The following TAFA5 variants were observed in gnomAD, a reference collection of about 807,000 sequenced individuals.
TAFA5 encodes TAFA chemokine like family member 5.
TAFA5 carries 6 observed loss-of-function variants against 15.3 expected under a neutral mutation model. That is an observed-to-expected ratio of 0.39 (90% confidence interval 0.21 to 0.77). The LOEUF is 0.77. Among genes scored for constraint, TAFA5 ranks in the 30% least tolerant of loss-of-function variants. The pLI, the probability that TAFA5 is intolerant of heterozygous loss-of-function variation, is 0.41. For missense variants in TAFA5, 161 were observed against 193.1 expected (o/e 0.83, Z 0.98); for synonymous variants, 103 against 80.7 (o/e 1.28, Z -1.48).
chr22:48,725,059 T>A (rs1170098179), intron 3 of TAFA5, among the ~76,000 whole-genome samples: 1 of 152,260 alleles, frequency 6.6e-6, no homozygotes, highest in Non-Finnish European at 1.5e-5. Context: ...GACAGAAGTC[T>A]GACCTCCCAA....
chr22:48,621,040 C>A, intron 1 of TAFA5, among the ~76,000 whole-genome samples: 1 of 114,398 alleles, frequency 8.7e-6, no homozygotes, highest in East Asian at 2.6e-4. Flanking sequence ...ATCCACCCTC[C>A]CACCCATCCA....
intron 1 of TAFA5, among the ~76,000 whole-genome samples, chr22:48,502,513 C>G (rs1920958238): frequency 7.0e-6 from 1 of 143,558 alleles, no homozygotes; most frequent in Admixed American, 6.8e-5. Context: ...AGTGGCCTCT[C>G]TTTGGAATTT....
intron 1 of TAFA5, among the ~76,000 whole-genome samples, chr22:48,603,990 C>T (rs1052995788): frequency 1.1e-4 from 17 of 152,180 alleles, no homozygotes; most frequent in African/African-American, 3.9e-4. Context: ...TTGTGGGCCC[C>T]GATGACACCC....
intron 1 of TAFA5, among the ~76,000 whole-genome samples, chr22:48,559,195 C>T (rs902233842): frequency 6.6e-6 from 1 of 152,210 alleles, no homozygotes; most frequent in African/African-American, 2.4e-5. Context: ...TTTGTGGTGG[C>T]AGCTGGAGCT....
chr22:48,643,621 T>G (rs1052320541), intron 1 of TAFA5, among the ~76,000 whole-genome samples: 1 of 152,186 alleles, frequency 6.6e-6, no homozygotes, highest in Non-Finnish European at 1.5e-5. Context: ...CTGAGGGGTG[T>G]GCTGTGTGGT....
intron 3 of TAFA5, among the ~76,000 whole-genome samples, chr22:48,741,254 G>A (rs1261179208): frequency 6.6e-6 from 1 of 151,960 alleles, no homozygotes; most frequent in Non-Finnish European, 1.5e-5. Flanking sequence ...CTCACCGCTG[G>A]GTCCCACCCT....
intron 2 of TAFA5, among the ~76,000 whole-genome samples, chr22:48,703,313 C>A (rs13056122): frequency 0.45 from 68,562 of 151,966 alleles, 15,980 homozygotes; most frequent in East Asian, 0.56. Context: ...CAGCCTAAGT[C>A]CCCCCGGACC....
chr22:48,622,370 A>G (rs916541471), intron 1 of TAFA5, among the ~76,000 whole-genome samples: 3 of 152,170 alleles, frequency 2.0e-5, no homozygotes, highest in African/African-American at 7.2e-5. Context: ...GCAGAAAAGC[A>G]TCTGCCCCAG....
intron 1 of TAFA5, among the ~76,000 whole-genome samples, chr22:48,631,188 G>GGGCCCTT: frequency 6.6e-6 from 1 of 152,196 alleles, no homozygotes; most frequent in Non-Finnish European, 1.5e-5. Flanking sequence ...GAGAGGCAGG[G>GGGCCCTT]GGCCCTTGGT....
At chr22:48,637,510 T>C (rs1264634851) in intron 1 of TAFA5, among the ~76,000 whole-genome samples, 1 of 152,190 alleles carries the variant, frequency 6.6e-6, no homozygotes, top group Non-Finnish European at 1.5e-5. Flanking sequence ...GTAATAATAG[T>C]AACATCCTAA....
intron 1 of TAFA5, among the ~76,000 whole-genome samples, chr22:48,514,355 G>A (rs915245877): frequency 3.3e-5 from 5 of 152,182 alleles, no homozygotes; most frequent in Non-Finnish European, 4.4e-5. Flanking sequence ...ATCCCCAGGC[G>A]TTGTCAAATT....
At chr22:48,576,305 G>A (rs191207490) in intron 1 of TAFA5, 188,376 of 1,017,224 alleles carry the variant, frequency 0.19, 16,515 homozygotes, top group Admixed American at 0.2. Flanking sequence ...CCCCTGCCCA[G>A]AAAGACACAA....
chr22:48,690,847 G>T (rs1928518694), intron 2 of TAFA5, among the ~76,000 whole-genome samples: 1 of 152,102 alleles, frequency 6.6e-6, no homozygotes, highest in South Asian at 2.1e-4. Flanking sequence ...GGGCCGTGCT[G>T]CCCCCGCCCC....
At chr22:48,630,289 A>G (rs12484977) in intron 1 of TAFA5, among the ~76,000 whole-genome samples, 15 of 152,088 alleles carry the variant, frequency 9.9e-5, no homozygotes, top group Admixed American at 9.8e-4. Flanking sequence ...GTTTGCCCCA[A>G]GTTACTCCCT....
At chr22:48,559,813 G>A (rs1297205138) in intron 1 of TAFA5, among the ~76,000 whole-genome samples, 1 of 152,152 alleles carries the variant, frequency 6.6e-6, no homozygotes, top group Non-Finnish European at 1.5e-5. Context: ...GCGCGGCGGG[G>A]ATGGAGGAAG....
rs543790540 is a variant in TAFA5, at chr22:48,530,252, C to CGAG, written c.112+40549_112+40551dup. ...TCCTCTGCTCCCCTCCTGTGACATC[C>CGAG]GAGCATGGTCGTCTGACAAATGGGG... On this transcript the variant is annotated intron_variant, in intron 1 of 3. Transcript: ENST00000402357. The surrounding 1 kb of genome is among the most constrained non-coding windows in gnomAD (Gnocchi z 6.0). Among the ~76,000 whole-genome samples, 598 of 152,260 alleles carry CGAG rather than the reference C, an allele frequency of 3.9e-3. 1 individual carries two copies. The highest frequency in any genetic ancestry group is 5.8e-3 in the Non-Finnish European group (392 of 68,010).
At chr22:48,674,036 C>T (rs73889561) in intron 2 of TAFA5, among the ~76,000 whole-genome samples, 43,197 of 150,390 alleles carry the variant, frequency 0.29, 6,861 homozygotes, top group African/African-American at 0.44. Context: ...CCTCTTCGCC[C>T]GCCTCACATC....
intron 3 of TAFA5, among the ~76,000 whole-genome samples, chr22:48,734,130 A>T (rs1044636622): frequency 6.6e-6 from 1 of 152,252 alleles, no homozygotes; most frequent in Non-Finnish European, 1.5e-5. Flanking sequence ...AAATGCATGA[A>T]ATAAATGAGA....
intron 2 of TAFA5, among the ~76,000 whole-genome samples, chr22:48,652,514 T>C (rs905003710): frequency 7.2e-5 from 11 of 152,198 alleles, no homozygotes; most frequent in African/African-American, 2.7e-4. Context: ...GGGCAGCCCT[T>C]CCTGCGTTGA....
Sources: allele counts gnomAD v4.1 joint callset (sites outside exome capture counted in the v4.1 genomes callset), GRCh38; gene constraint gnomAD v4.1.1; non-coding constraint Gnocchi (gnomAD v3.1); transcripts MANE v1.5; gene names NCBI Gene and HGNC (gene_info 2026-07-23, HGNC 2026-07-21).